The following DMXL1 variants were observed in gnomAD, a reference collection of about 807,000 sequenced individuals.
DMXL1 encodes the protein dmX-like protein 1.
In DMXL1, 99 loss-of-function variants were observed where a neutral mutation model predicts 319.2. The ratio of observed to expected loss-of-function variants is 0.31; its 90% CI spans 0.26 to 0.37. The LOEUF is 0.37. DMXL1 is among the 10% of genes least tolerant of loss of function. The pLI is 1.00. For synonymous variants in DMXL1, 1,385 were observed against 1,235.2 expected (o/e 1.12, Z -2.54); for missense variants, 3,745 against 3,595.6 (o/e 1.04, Z -1.06).
chr5:119,127,081 C>A, intron 9 of DMXL1: 2 of 164,794 alleles, frequency 1.2e-5, no homozygotes, highest in South Asian at 3.7e-4. Flanking sequence ...AGTAAGCTGC[C>A]CTTTATTCTT....
At chr5:119,202,479 T>A (rs1780879367) in intron 32 of DMXL1, among the ~76,000 whole-genome samples, 1 of 152,198 alleles carries the variant, frequency 6.6e-6, no homozygotes, top group African/African-American at 2.4e-5. Context: ...AAATTCAAAA[T>A]TTTTTGAGTA....
chr5:119,137,907 T>C (rs1306093168), intron 13 of DMXL1, among the ~76,000 whole-genome samples: 1 of 152,022 alleles, frequency 6.6e-6, no homozygotes, highest in Non-Finnish European at 1.5e-5. Context: ...AGGTGGAAAA[T>C]AGTCAGGGAT....
chr5:119,218,456 T>C (rs1281389204), intron 35 of DMXL1, among the ~76,000 whole-genome samples: 9 of 151,812 alleles, frequency 5.9e-5, no homozygotes, highest in African/African-American at 2.2e-4. Flanking sequence ...TTTTACTTTA[T>C]TTTATTTTAT....
intron 31 of DMXL1, among the ~76,000 whole-genome samples, chr5:119,196,673 G>C (rs1779700836): frequency 6.6e-6 from 1 of 152,144 alleles, no homozygotes; most frequent in Non-Finnish European, 1.5e-5. Flanking sequence ...CAAGGGCACT[G>C]AATGTGATGT....
chr5:119,143,083 A>G (rs554916562), intron 13 of DMXL1, among the ~76,000 whole-genome samples: 13 of 151,980 alleles, frequency 8.6e-5, no homozygotes, highest in Non-Finnish European at 1.9e-4. Flanking sequence ...TTCATGTTGG[A>G]AGTTGGGAGG....
intron 1 of DMXL1, among the ~76,000 whole-genome samples, chr5:119,079,889 C>G (rs1751804281): frequency 6.6e-6 from 1 of 152,208 alleles, no homozygotes; most frequent in South Asian, 2.1e-4. Context: ...TCTTTCTTGT[C>G]TGTCCCTTAA....
chr5:119,211,373 T>C (rs1782778256), intron 34 of DMXL1, among the ~76,000 whole-genome samples: 1 of 152,202 alleles, frequency 6.6e-6, no homozygotes, highest in Admixed American at 6.5e-5. Flanking sequence ...GTTTTTTAAA[T>C]GACAAATTTA....
At chr5:119,128,325 T>C (rs1024892803) in intron 9 of DMXL1, 1 of 287,398 alleles carries the variant, frequency 3.5e-6, no homozygotes, top group Admixed American at 3.8e-5. Context: ...TCACTGATTT[T>C]CTGGATATTT....
chr5:119,072,828 T>TA (rs1749933522), intron 1 of DMXL1, among the ~76,000 whole-genome samples: 1 of 152,190 alleles, frequency 6.6e-6, no homozygotes, highest in South Asian at 2.1e-4. Context: ...ATTCCAATTC[T>TA]AAATGTTTGC....
At chr5:119,202,735 C>G (rs1581296561) in intron 32 of DMXL1, among the ~76,000 whole-genome samples, 1 of 151,356 alleles carries the variant, frequency 6.6e-6, no homozygotes, top group East Asian at 1.9e-4. Context: ...CCTGTAATCC[C>G]AGCTACTCGG....
chr5:119,210,683 A>G (rs1581348625), intron 34 of DMXL1, among the ~76,000 whole-genome samples: 2 of 151,568 alleles, frequency 1.3e-5, no homozygotes, highest in Admixed American at 1.3e-4. Context: ...TAACCTTATA[A>G]TAAATCATGA....
Position 119,247,242 on chromosome 5 carries a change from A to G in DMXL1, c.*23A>G, listed in dbSNP as rs527599716. 1 of 1,543,932 alleles carries G rather than the reference A, an allele frequency of 6.5e-7. No homozygotes were observed. The highest frequency in any genetic ancestry group is 1.4e-5 in the African/African-American group (1 of 73,372). The stretch of plus-strand genomic sequence containing the variant: ...TAACATTTTTACAATAAGATGTACA[A>G]TTTATTACCTATATGGAAGTGGCCA... On this transcript the variant is annotated 3_prime_UTR_variant, in exon 44 of 44. Transcript: ENST00000539542.
chr5:119,193,096 C>T (rs890708931), intron 29 of DMXL1, among the ~76,000 whole-genome samples: 2 of 152,096 alleles, frequency 1.3e-5, no homozygotes, highest in South Asian at 2.1e-4. Context: ...CTACCCTTGC[C>T]GTTTAGCTTT....
intron 25 of DMXL1, among the ~76,000 whole-genome samples, chr5:119,173,335 C>T (rs1414306023): frequency 6.0e-5 from 9 of 148,826 alleles, no homozygotes; most frequent in Non-Finnish European, 7.4e-5. Flanking sequence ...AGCAAAACTC[C>T]GCGCCCACCC....
intron 9 of DMXL1, chr5:119,128,180 G>T (rs752232538): frequency 8.6e-6 from 4 of 463,132 alleles, no homozygotes; most frequent in Non-Finnish European, 1.7e-5. Flanking sequence ...AGTTCCACCT[G>T]CACGGTCTTT....
intron 29 of DMXL1, among the ~76,000 whole-genome samples, chr5:119,191,144 C>T (rs1324723310): frequency 6.6e-6 from 1 of 152,120 alleles, no homozygotes. Context: ...TGTAACTTTT[C>T]CCATTGATTA....
chr5:119,152,396 C>T (rs1354860775), intron 19 of DMXL1, among the ~76,000 whole-genome samples: 1 of 152,024 alleles, frequency 6.6e-6, no homozygotes, highest in East Asian at 1.9e-4. Context: ...TTCCACCAAA[C>T]ATTGAATAAC....
chr5:119,238,831 G>A (rs1174115464), intron 40 of DMXL1, 158 bp from the exon 41 acceptor site: 11 of 955,062 alleles, frequency 1.2e-5, no homozygotes, highest in Non-Finnish European at 1.2e-5. Flanking sequence ...AAAGTTCTCT[G>A]TATTACTTTT....
At chr5:119,111,383 A>G (rs538788666) in intron 5 of DMXL1, among the ~76,000 whole-genome samples, 59 of 152,318 alleles carry the variant, frequency 3.9e-4, no homozygotes, top group African/African-American at 1.4e-3. Context: ...TATCTCTAAC[A>G]TTTTAAAAAA....
Sources: gnomAD v4.1 joint callset for allele counts (sites outside exome capture counted in the v4.1 genomes callset) on GRCh38, gnomAD v4.1.1 for gene constraint, MANE v1.5 for transcripts, NCBI Gene and HGNC (gene_info 2026-07-23, HGNC 2026-07-21) for gene names.